Variants in BBX observed in about 807,000 individuals in gnomAD.
BBX encodes BBX high mobility group box domain containing.
A neutral mutation model predicts 100.2 loss-of-function variants in BBX; 30 were observed. The observed-to-expected ratio is 0.30, with a 90% CI of 0.22 to 0.41. The LOEUF (loss-of-function observed/expected upper bound fraction) is 0.41. BBX is among the 10% of genes least tolerant of loss of function. The probability of loss-of-function intolerance (pLI) is 1.00; values close to 1 mark genes in which losing one functional copy is unlikely to be tolerated. For missense variants in BBX, 1,023 were observed against 1,129.8 expected, an observed-to-expected ratio of 0.91 and a Z score of 1.35; for synonymous variants, 376 against 388.1, an observed-to-expected ratio of 0.97 and a Z score of 0.37.
intron 2 of BBX, among the ~76,000 whole-genome samples, chr3:107,643,860 G>C (rs1269262240): frequency 6.6e-6 from 1 of 152,150 alleles, no homozygotes; most frequent in Non-Finnish European, 1.5e-5. Flanking sequence ...GGCTGTCAGA[G>C]AACTCAAAGG....
intron 2 of BBX, among the ~76,000 whole-genome samples, chr3:107,529,145 C>T (rs1374595449): frequency 1.3e-5 from 2 of 152,168 alleles, no homozygotes; most frequent in African/African-American, 4.8e-5. Flanking sequence ...ACAATTGTTA[C>T]ATCAAATGCT....
In BBX at chr3:107,698,080, A is replaced by G. The variant is rs963012076; in HGVS notation, c.-9-12372A>G. ...TCGTGCACGGTGCGCGCACCCACTG[A>G]CCTGCGCCCACTGAATGGCACTCCC... On this transcript the variant is annotated intron_variant, in intron 3 of 17. Coordinates refer to ENST00000325805, the MANE Select transcript of BBX (RefSeq NM_001142568.3). Among the ~76,000 whole-genome samples the G allele has an allele frequency of 4.6e-5, 7 of 151,588 alleles. 1 individual carries two copies. Among genetic ancestry groups the G allele is most frequent in the African/African-American group, 9.8e-5 (4 of 40,988 alleles).
intron 2 of BBX, among the ~76,000 whole-genome samples, chr3:107,569,029 G>A (rs1200139953): frequency 6.6e-6 from 1 of 152,170 alleles, no homozygotes; most frequent in Non-Finnish European, 1.5e-5. Context: ...GCAAAATTGT[G>A]GTAAAAATGT....
At chr3:107,628,123 A>G (rs1027986553) in intron 2 of BBX, among the ~76,000 whole-genome samples, 1 of 152,110 alleles carries the variant, frequency 6.6e-6, no homozygotes, top group African/African-American at 2.4e-5. Context: ...TTGATTTATC[A>G]TGGTATTTAT....
chr3:107,805,829 A>G lies in BBX; in HGVS notation c.*372A>G, dbSNP rs1423986282. 2 of 250,178 alleles carry G rather than the reference A, an allele frequency of 8.0e-6. No homozygotes were observed. The highest frequency in any genetic ancestry group is 1.5e-5 in the Non-Finnish European group (2 of 131,784). The allele number at this position is 250,178 out of a possible 1,614,324, so 15.5% of individuals were successfully genotyped here. On this transcript the variant is annotated 3_prime_UTR_variant, in exon 18 of 18. Transcript: ENST00000325805. Reference sequence around the variant, plus strand: ...GTGAAACTAGTTTCATATATTACCTAGTTATTCTTTCAAAACAAAACAAAA... The same window carrying G: ...GTGAAACTAGTTTCATATATTACCTGGTTATTCTTTCAAAACAAAACAAAA...
chr3:107,548,723 G>A (rs931540166), intron 2 of BBX, among the ~76,000 whole-genome samples: 1 of 152,146 alleles, frequency 6.6e-6, no homozygotes, highest in Non-Finnish European at 1.5e-5. Context: ...CCATAGCAAA[G>A]ACGTGGAATC....
At chr3:107,571,900 CATGCACATGTGGTT>C (rs1214077464) in intron 2 of BBX, among the ~76,000 whole-genome samples, 2 of 152,226 alleles carry the variant, frequency 1.3e-5, no homozygotes, top group Non-Finnish European at 2.9e-5. Context: ...TACGTATGTG[CATGCACATGTGGTT>C]CACTTTAATC....
At chr3:107,754,780 C>CT (rs1286908180) in intron 9 of BBX, among the ~76,000 whole-genome samples, 4 of 152,222 alleles carry the variant, frequency 2.6e-5, no homozygotes, top group Non-Finnish European at 4.4e-5. Context: ...GCTATCTACT[C>CT]TAACAATGAC....
At chr3:107,608,376 C>G (rs188489227) in intron 2 of BBX, among the ~76,000 whole-genome samples, 9 of 152,114 alleles carry the variant, frequency 5.9e-5, no homozygotes, top group Non-Finnish European at 1.2e-4. Context: ...ATGAGTTCAC[C>G]ATAGATGTAT....
At chr3:107,649,920 T>C (rs1316426842) in intron 3 of BBX, among the ~76,000 whole-genome samples, 1 of 152,210 alleles carries the variant, frequency 6.6e-6, no homozygotes, top group Non-Finnish European at 1.5e-5. Flanking sequence ...ACTTTATGGC[T>C]TTTACTCTGT....
chr3:107,682,212 T>C (rs148297499), intron 3 of BBX, among the ~76,000 whole-genome samples: 1 of 152,220 alleles, frequency 6.6e-6, no homozygotes, highest in African/African-American at 2.4e-5. Context: ...GTTGGGAACT[T>C]TTCTTATGGA....
At chr3:107,643,234 A>T (rs1375475607) in intron 2 of BBX, among the ~76,000 whole-genome samples, 17 of 152,200 alleles carry the variant, frequency 1.1e-4, no homozygotes, top group Admixed American at 1.1e-3. Flanking sequence ...TCAAAAAGCC[A>T]GTTGCTTCAG....
intron 2 of BBX, among the ~76,000 whole-genome samples, chr3:107,592,698 T>C (rs1300189832): frequency 1.3e-5 from 2 of 152,174 alleles, no homozygotes; most frequent in East Asian, 3.8e-4. Context: ...GGTAACTTTT[T>C]CAAATTTTTC....
At chr3:107,664,044 A>G (rs1483569479) in intron 3 of BBX, among the ~76,000 whole-genome samples, 1 of 152,048 alleles carries the variant, frequency 6.6e-6, no homozygotes, top group African/African-American at 2.4e-5. Flanking sequence ...TGACCTTGTG[A>G]TCCACCGGCC....
At chr3:107,598,652 G>T (rs566069117) in intron 2 of BBX, among the ~76,000 whole-genome samples, 65 of 152,270 alleles carry the variant, frequency 4.3e-4, no homozygotes, top group Non-Finnish European at 7.8e-4. Flanking sequence ...AACTAGAGAG[G>T]TTATGCCAAT....
Position 107,765,090 on chromosome 3 carries a change from G to A in BBX, c.907-7538G>A, listed in dbSNP as rs148557127. On this transcript the variant is annotated intron_variant, in intron 10 of 17. Coordinates refer to ENST00000325805, the MANE Select transcript of BBX (RefSeq NM_001142568.3). ...TGATAGAATCATTCAACCCTAAAATGAACACTTAGAGCAAAACAGTCTACC... is the reference window on the plus strand; with the variant it reads ...TGATAGAATCATTCAACCCTAAAATAAACACTTAGAGCAAAACAGTCTACC... Among the ~76,000 whole-genome samples, 332 of 152,280 alleles carry A rather than the reference G, an allele frequency of 2.2e-3. 2 individuals are homozygous for A. Among genetic ancestry groups the A allele is most frequent in the African/African-American group, 7.6e-3 (315 of 41,558 alleles).
At chr3:107,568,265 ATT>A (rs36099700) in intron 2 of BBX, among the ~76,000 whole-genome samples, 11 of 131,504 alleles carry the variant, frequency 8.4e-5, no homozygotes, top group Admixed American at 1.5e-4. Context: ...ATTTTCTGCT[ATT>A]TTTTTTTTTT....
chr3:107,614,367 A>G (rs1415620130), intron 2 of BBX, among the ~76,000 whole-genome samples: 1 of 152,128 alleles, frequency 6.6e-6, no homozygotes, highest in East Asian at 1.9e-4. Context: ...GTGAATGACA[A>G]AGGCTGTTAC....
intron 11 of BBX, among the ~76,000 whole-genome samples, chr3:107,774,251 C>T (rs2067138738): frequency 6.6e-6 from 1 of 152,146 alleles, no homozygotes; most frequent in African/African-American, 2.4e-5. Context: ...TAAAATATAG[C>T]ATCTGCCTGG....
Sources: allele counts gnomAD v4.1 joint callset (sites outside exome capture counted in the v4.1 genomes callset), GRCh38; gene constraint gnomAD v4.1.1; transcripts MANE v1.5; gene names NCBI Gene and HGNC (gene_info 2026-07-23, HGNC 2026-07-21).